The following RBFOX1 variants were observed in gnomAD, a reference collection of about 807,000 sequenced individuals.
The protein encoded by RBFOX1 is RNA binding fox-1 homolog 1.
RBFOX1 carries 8 observed loss-of-function variants against 57.7 expected under a neutral mutation model. That is an observed-to-expected ratio of 0.14 (90% CI 0.08 to 0.25). The LOEUF is 0.25. Ranked by LOEUF, RBFOX1 falls within the 10% of genes least tolerant of loss-of-function variation. The pLI is 1.00. For missense variants in RBFOX1, 611 were observed against 548.5 expected (o/e 1.11, Z -1.14); for synonymous variants, 326 against 222.4 (o/e 1.47, Z -4.15).
intron 4 of RBFOX1, among the ~76,000 whole-genome samples, chr16:7,063,410 T>A (rs917733604): frequency 6.6e-6 from 1 of 152,176 alleles, no homozygotes; most frequent in African/African-American, 2.4e-5. Flanking sequence ...CATGTCTCTC[T>A]GCCAACTTCT....
At chr16:7,325,350 G>A (rs192895577) in intron 4 of RBFOX1, among the ~76,000 whole-genome samples, 1 of 152,332 alleles carries the variant, frequency 6.6e-6, no homozygotes, top group Non-Finnish European at 1.5e-5. Context: ...ATAACTGGTA[G>A]GAACTGGGCT....
At chr16:7,486,297 C>G (rs527302688) in intron 4 of RBFOX1, among the ~76,000 whole-genome samples, 1 of 148,988 alleles carries the variant, frequency 6.7e-6, no homozygotes, top group African/African-American at 2.5e-5. Flanking sequence ...ACGCCTGGTT[C>G]ATTTTTGTTT....
intron 4 of RBFOX1, among the ~76,000 whole-genome samples, chr16:7,458,469 A>G (rs1406376665): frequency 1.3e-5 from 2 of 152,198 alleles, no homozygotes. Flanking sequence ...AAAATGAGCC[A>G]TGCCTCTCTA....
intron 2 of RBFOX1, among the ~76,000 whole-genome samples, chr16:6,639,022 C>A (rs1209531373): frequency 6.6e-6 from 1 of 152,204 alleles, no homozygotes; most frequent in African/African-American, 2.4e-5. Flanking sequence ...GTATCAGTTT[C>A]CAAGGAGACC....
At chr16:5,370,304 C>A (rs548638005) in intron 1 of RBFOX1, among the ~76,000 whole-genome samples, 11 of 152,162 alleles carry the variant, frequency 7.2e-5, no homozygotes, top group Non-Finnish European at 1.2e-4. Context: ...ATCTAGACGG[C>A]ATCTCCATGA....
At chr16:6,151,902 C>T (rs80339069) in intron 1 of RBFOX1, among the ~76,000 whole-genome samples, 2,105 of 152,240 alleles carry the variant, frequency 0.014, 47 homozygotes, top group African/African-American at 0.044. Flanking sequence ...AAGAGCATTA[C>T]TAAGATGGTA....
At chr16:6,568,819 A>T (rs1054146072) in intron 2 of RBFOX1, among the ~76,000 whole-genome samples, 71 of 152,048 alleles carry the variant, frequency 4.7e-4, no homozygotes, top group Non-Finnish European at 5.1e-4. Flanking sequence ...CCCAGGCTGG[A>T]GTGCAGTGGC....
chr16:6,942,205 C>T (rs1385633905), intron 3 of RBFOX1, among the ~76,000 whole-genome samples: 2 of 152,156 alleles, frequency 1.3e-5, no homozygotes, highest in Admixed American at 6.5e-5. Context: ...CACCACTGTG[C>T]TCCAACCTGG....
intron 3 of RBFOX1, among the ~76,000 whole-genome samples, chr16:6,823,833 CAG>C (rs2091726593): frequency 6.6e-6 from 1 of 152,080 alleles, no homozygotes; most frequent in South Asian, 2.1e-4. Flanking sequence ...GCCAGGTAAT[CAG>C]AGAAATAGAG....
At chr16:6,609,973 A>G (rs2098018310) in intron 2 of RBFOX1, among the ~76,000 whole-genome samples, 1 of 151,854 alleles carries the variant, frequency 6.6e-6, no homozygotes, top group Non-Finnish European at 1.5e-5. Flanking sequence ...ACGCCATTGC[A>G]CTCCAGGCCT....
chr16:5,357,209 G>C (rs957590834), intron 1 of RBFOX1, among the ~76,000 whole-genome samples: 5 of 152,148 alleles, frequency 3.3e-5, no homozygotes, highest in African/African-American at 7.2e-5. Flanking sequence ...TGTAGCAGTG[G>C]GGTTGCCACA....
intron 2 of RBFOX1, among the ~76,000 whole-genome samples, chr16:6,627,068 G>C (rs1457270004): frequency 6.6e-6 from 1 of 152,190 alleles, no homozygotes; most frequent in African/African-American, 2.4e-5. Context: ...TTCTAGTCCT[G>C]GCGGTCTGGC....
chr16:6,555,568 C>T (rs919664461), intron 2 of RBFOX1, among the ~76,000 whole-genome samples: 10 of 152,020 alleles, frequency 6.6e-5, no homozygotes, highest in Admixed American at 4.6e-4. Context: ...GGCGTGGTGG[C>T]GGGCGCCTGT....
chr16:5,445,529 C>A (rs1278216726), intron 1 of RBFOX1, among the ~76,000 whole-genome samples: 1 of 152,204 alleles, frequency 6.6e-6, no homozygotes, highest in African/African-American at 2.4e-5. Context: ...AGTCAATGCA[C>A]TCCTACTTGT....
intron 2 of RBFOX1, among the ~76,000 whole-genome samples, chr16:6,648,289 G>C (rs561288914): frequency 1.4e-4 from 22 of 151,980 alleles, no homozygotes; most frequent in African/African-American, 5.1e-4. Flanking sequence ...TTCAACTCCT[G>C]GACTCAAACG....
intron 4 of RBFOX1, among the ~76,000 whole-genome samples, chr16:7,463,621 G>A (rs982933434): frequency 6.6e-6 from 1 of 152,194 alleles, no homozygotes; most frequent in African/African-American, 2.4e-5. Context: ...TTCACCATAT[G>A]AATTAGGGGT....
chr16:6,974,336 C>CTTTTT (rs59299498), intron 3 of RBFOX1, among the ~76,000 whole-genome samples: 299 of 58,586 alleles, frequency 5.1e-3, no homozygotes, highest in Non-Finnish European at 7.3e-3. Flanking sequence ...TTTTCTTTTT[C>CTTTTT]TTTTTTTTTT....
intron 4 of RBFOX1, chr16:7,510,235 G>A (rs1343455885): frequency 2.0e-6 from 2 of 985,766 alleles, no homozygotes; most frequent in African/African-American, 1.7e-5. Flanking sequence ...AGGCGTGCTT[G>A]GGGCAGATGC....
intron 3 of RBFOX1, among the ~76,000 whole-genome samples, chr16:6,907,375 A>G (rs2070301627): frequency 6.6e-6 from 1 of 152,162 alleles, no homozygotes; most frequent in South Asian, 2.1e-4. Flanking sequence ...GAATGGCGGT[A>G]TCCATGTATT....
Sources: gnomAD v4.1 joint callset for allele counts (sites outside exome capture counted in the v4.1 genomes callset) on GRCh38, gnomAD v4.1.1 for gene constraint, MANE v1.5 for transcripts, NCBI Gene and HGNC (gene_info 2026-07-23, HGNC 2026-07-21) for gene names.